TPO: variants seen among roughly 807,000 people sequenced by gnomAD.
TPO encodes thyroid peroxidase, also known as thyroid microsomal antigen.
TPO carries 78 observed loss-of-function variants against 96.9 expected under a neutral mutation model. The ratio of observed to expected loss-of-function variants is 0.81; its 90% CI spans 0.67 to 0.97. The LOEUF (loss-of-function observed/expected upper bound fraction) is 0.97. Ranked by LOEUF, TPO falls within the 50% of genes least tolerant of loss-of-function variation. The pLI is 0.00. For synonymous variants in TPO, 547 were observed against 538.0 expected (o/e 1.02, Z -0.23); for missense variants, 1,252 against 1,274.8 (o/e 0.98, Z 0.27).
At chr2:1,514,123 A>G (rs577858537) in intron 14 of TPO, among the ~76,000 whole-genome samples, 4 of 152,290 alleles carry the variant, frequency 2.6e-5, no homozygotes, top group African/African-American at 9.6e-5. Flanking sequence ...CTGGCGGGGC[A>G]GTTCCAGTCT....
At chr2:1,475,041 A>G (rs1023723323) in intron 7 of TPO, among the ~76,000 whole-genome samples, 4 of 152,218 alleles carry the variant, frequency 2.6e-5, no homozygotes, top group Non-Finnish European at 4.4e-5. Context: ...CTTCTGAGGA[A>G]GGCTTTGCTG....
chr2:1,395,923 G>A (rs942538003), intron 1 of TPO, among the ~76,000 whole-genome samples: 3 of 152,206 alleles, frequency 2.0e-5, no homozygotes, highest in Non-Finnish European at 4.4e-5. Context: ...CAGCCATGTG[G>A]AACTGTGAGT....
intron 8 of TPO, among the ~76,000 whole-genome samples, chr2:1,480,773 C>CCTG (rs199870158): frequency 0.015 from 1,356 of 93,000 alleles, no homozygotes; most frequent in Middle Eastern, 0.028. Flanking sequence ...CCTCCCTCCT[C>CCTG]CTGCATCCGT....
chr2:1,377,286 C>T (rs1190543051), intron 1 of TPO, among the ~76,000 whole-genome samples: 2 of 152,150 alleles, frequency 1.3e-5, no homozygotes, highest in Non-Finnish European at 2.9e-5. Flanking sequence ...CATTGGAATA[C>T]GGTCTTTCTC....
intron 3 of TPO, among the ~76,000 whole-genome samples, chr2:1,431,008 C>T (rs550754608): frequency 6.6e-6 from 1 of 152,144 alleles, no homozygotes; most frequent in South Asian, 2.1e-4. Flanking sequence ...GTTGCGAATG[C>T]GCAATTGTAT....
At chr2:1,536,900 ATCCCAACTGTTTGCAACCTCCCAAATC>A (rs1679801879) in intron 15 of TPO, among the ~76,000 whole-genome samples, 1 of 112,176 alleles carries the variant, frequency 8.9e-6, no homozygotes, top group African/African-American at 3.8e-5. Context: ...ACCTCCCCAA[ATCCCAACTGTTTGCAACCTCCCAAATC>A]CCCCCCAATG....
intron 5 of TPO, among the ~76,000 whole-genome samples, chr2:1,438,407 C>A (rs974483005): frequency 7.2e-5 from 11 of 152,166 alleles, no homozygotes; most frequent in Admixed American, 1.3e-4. Context: ...GCACTTTCAC[C>A]AGAGGGGTCC....
intron 10 of TPO, among the ~76,000 whole-genome samples, chr2:1,491,268 C>T (rs541083649): frequency 1.3e-5 from 2 of 152,262 alleles, no homozygotes; most frequent in Non-Finnish European, 2.9e-5. Flanking sequence ...CCCAGCTCTG[C>T]GGCCTCTGAA....
chr2:1,516,460 T>C (rs1271205308), intron 14 of TPO, among the ~76,000 whole-genome samples: 1 of 152,134 alleles, frequency 6.6e-6, no homozygotes, highest in Non-Finnish European at 1.5e-5. Flanking sequence ...CTCACAGCGT[T>C]ATACCGCGTC....
chr2:1,447,064 C>A (rs1028565931), intron 5 of TPO, among the ~76,000 whole-genome samples: 5 of 152,064 alleles, frequency 3.3e-5, no homozygotes, highest in Non-Finnish European at 5.9e-5. Context: ...TGAATTGACC[C>A]CTCCTGTTGG....
intron 1 of TPO, among the ~76,000 whole-genome samples, chr2:1,383,521 C>G (rs535301080): frequency 7.6e-4 from 115 of 152,288 alleles, no homozygotes; most frequent in Non-Finnish European, 1.6e-3. Context: ...GCATAAATGT[C>G]TTCTTTTGAG....
chr2:1,524,949 C>A (rs538021944), intron 15 of TPO, among the ~76,000 whole-genome samples: 6 of 116,658 alleles, frequency 5.1e-5, no homozygotes, highest in African/African-American at 2.1e-4. Flanking sequence ...AATCCCGACT[C>A]TGTGCAACCT....
chr2:1,491,423 T>C (rs1671763016), intron 10 of TPO, among the ~76,000 whole-genome samples: 1 of 152,246 alleles, frequency 6.6e-6, no homozygotes, highest in Non-Finnish European at 1.5e-5. Context: ...TGTTTTTTCT[T>C]TTTGAAATTA....
In TPO at chr2:1,542,966, T is replaced by TGA; in HGVS notation, c.*494_*495dup. On this transcript the variant is annotated 3_prime_UTR_variant, in exon 17 of 17. Coordinates refer to ENST00000329066, the MANE Select transcript of TPO (RefSeq NM_001206744.2). ...GCCGGTGGGAGGAGGAAAGTGATTC[T>TGA]GAGGGAGAGGCTGGAGCCTTAAGGA... 4.0e-6 allele frequency: 1 copy of TGA among 247,096 alleles called. No homozygotes were observed. The highest frequency in any genetic ancestry group is 8.0e-6 in the Non-Finnish European group (1 of 125,442). 15.3% of individuals were successfully genotyped at this position (247,096 alleles called of 1,614,324 possible). A position where few individuals can be genotyped will look rare whatever the true frequency, so the allele number is the denominator to read the frequency against.
intron 15 of TPO, among the ~76,000 whole-genome samples, chr2:1,538,046 AACCTCCTCAAATCCCCCACACT>A (rs1680260021): frequency 2.3e-5 from 2 of 86,698 alleles, no homozygotes; most frequent in African/African-American, 6.9e-5. Context: ...CACTGTGTGC[AACCTCCTCAAATCCCCCACACT>A]GTGTGCAGCC....
At chr2:1,537,277 C>A (rs1184132876) in intron 15 of TPO, among the ~76,000 whole-genome samples, 1 of 123,440 alleles carries the variant, frequency 8.1e-6, no homozygotes, top group African/African-American at 3.1e-5. Context: ...TGTGCAACCT[C>A]CCCAAATCCC....
chr2:1,511,643 C>T (rs570217922), intron 14 of TPO, among the ~76,000 whole-genome samples: 1 of 152,328 alleles, frequency 6.6e-6, no homozygotes, highest in South Asian at 2.1e-4. Flanking sequence ...GCTGCAGATA[C>T]CACCTTCTCC....
intron 7 of TPO, among the ~76,000 whole-genome samples, chr2:1,467,524 G>T (rs1377089335): frequency 6.6e-6 from 1 of 152,084 alleles, no homozygotes; most frequent in Non-Finnish European, 1.5e-5. Flanking sequence ...TTGATTTCCA[G>T]TTTTATTTCA....
chr2:1,527,293 ACTGTGTAACCTC>A, intron 15 of TPO, among the ~76,000 whole-genome samples: 1 of 42,606 alleles, frequency 2.3e-5, no homozygotes, highest in Admixed American at 3.0e-4. Flanking sequence ...AAATCCCCTC[ACTGTGTAACCTC>A]CCCAAATCCC....
Sources: allele counts gnomAD v4.1 joint callset (sites outside exome capture counted in the v4.1 genomes callset), GRCh38; gene constraint gnomAD v4.1.1; transcripts MANE v1.5; gene names NCBI Gene and HGNC (gene_info 2026-07-23, HGNC 2026-07-21).